The following IL1RAPL1 variants were observed in gnomAD, a reference collection of about 807,000 sequenced individuals.
IL1RAPL1 encodes interleukin 1 receptor accessory protein like 1.
In IL1RAPL1, 3 loss-of-function variants were observed where a neutral mutation model predicts 48.4. The ratio of observed to expected loss-of-function variants is 0.06; its 90% CI spans 0.03 to 0.16. IL1RAPL1 has a LOEUF of 0.16. Ranked by LOEUF, IL1RAPL1 falls within the 10% of genes least tolerant of loss-of-function variation. The pLI is 1.00. For missense variants in IL1RAPL1, 349 were observed against 530.6 expected (o/e 0.66, Z 3.36); for synonymous variants, 185 against 187.7 (o/e 0.99, Z 0.12).
At chrX:29,854,334 G>A (rs779981194) in intron 6 of IL1RAPL1, among the ~76,000 whole-genome samples, 1 of 112,073 alleles carries the variant, frequency 8.9e-6, no homozygotes, top group Admixed American at 9.5e-5. Context: ...AGAAGGAGTG[G>A]CCTGACCTGG....
At chrX:29,172,055 C>A (rs1253937642) in intron 2 of IL1RAPL1, among the ~76,000 whole-genome samples, 1 of 112,524 alleles carries the variant, frequency 8.9e-6, no homozygotes, top group African/African-American at 3.2e-5. Context: ...AACCATTAAA[C>A]TGGCTTGACC....
At chrX:29,005,164 C>G (rs964199435) in intron 2 of IL1RAPL1, among the ~76,000 whole-genome samples, 1 of 112,028 alleles carries the variant, frequency 8.9e-6, no homozygotes, top group Non-Finnish European at 1.9e-5. Flanking sequence ...GGCCAAACAT[C>G]TTAGAACTAA....
At chrX:29,178,636 T>C (rs1447043463) in intron 2 of IL1RAPL1, among the ~76,000 whole-genome samples, 1 of 112,055 alleles carries the variant, frequency 8.9e-6, no homozygotes, top group African/African-American at 3.2e-5. Context: ...TTTGTTGCCA[T>C]TGCTTTTGGT....
At chrX:28,923,210 C>G (rs1438977350) in intron 2 of IL1RAPL1, among the ~76,000 whole-genome samples, 1 of 110,074 alleles carries the variant, frequency 9.1e-6, no homozygotes, top group Non-Finnish European at 1.9e-5. Context: ...GAGTTTCGCT[C>G]TTATTGCCCA....
intron 2 of IL1RAPL1, among the ~76,000 whole-genome samples, chrX:29,008,627 T>C (rs1926048194): frequency 8.9e-6 from 1 of 112,294 alleles, no homozygotes; most frequent in African/African-American, 3.2e-5. Context: ...TTTTAAAATG[T>C]CAATTTTTCT....
At chrX:29,832,864 T>C (rs1459794483) in intron 6 of IL1RAPL1, among the ~76,000 whole-genome samples, 1 of 110,340 alleles carries the variant, frequency 9.1e-6, no homozygotes. Flanking sequence ...ATGTTCACTG[T>C]CAGGGATAAA....
In IL1RAPL1 at chrX:28,789,383, A is replaced by G. The variant is rs780153399; in HGVS notation, c.40A>G (p.Thr14Ala). Residue 14 changes from threonine (T) to alanine (A), a missense_variant, in exon 2 of 11, where the codon ACT becomes GCT. By Grantham distance (58) the Thr-to-Ala change is moderately conservative (BLOSUM62 0). This residue lies in a region of IL1RAPL1 where 238 missense variants were observed against 337.8 expected (regional missense o/e 0.70). Transcript: ENST00000378993. ...PIPHLILLYA[T>A]FTQSLKVVTK... ...TCCACACTTGATTCTCTTATACGCT[A>G]CTTTTACTCAGAGTTTGAAGGTTGT... 3.3e-6 allele frequency: 4 copies of G among 1,210,122 alleles called. No individual in the cohort carries two copies. In the South Asian group the frequency reaches 7.0e-5, roughly 21 times the overall value.
chrX:29,599,790 T>C (rs1345395288), intron 5 of IL1RAPL1, among the ~76,000 whole-genome samples: 8 of 112,357 alleles, frequency 7.1e-5, no homozygotes, highest in Non-Finnish European at 1.3e-4. Flanking sequence ...AAGTTCTTTC[T>C]TCTGCTTATT....
chrX:29,738,796 C>T (rs535426362), intron 6 of IL1RAPL1, among the ~76,000 whole-genome samples: 2 of 111,836 alleles, frequency 1.8e-5, no homozygotes, highest in South Asian at 3.7e-4. Context: ...GCGCAGAATC[C>T]GGGGAATTTG....
chrX:29,098,820 C>T (rs973149411), intron 2 of IL1RAPL1, among the ~76,000 whole-genome samples: 1 of 112,576 alleles, frequency 8.9e-6, no homozygotes, highest in Non-Finnish European at 1.9e-5. Flanking sequence ...TATGAGGATG[C>T]AGACATCCTT....
intron 2 of IL1RAPL1, among the ~76,000 whole-genome samples, chrX:29,140,011 G>A (rs1929214899): frequency 9.0e-6 from 1 of 111,581 alleles, no homozygotes; most frequent in Non-Finnish European, 1.9e-5. Flanking sequence ...TGTACAAGAA[G>A]CATGGAGCCA....
chrX:29,482,798 C>T (rs924003079), intron 5 of IL1RAPL1, among the ~76,000 whole-genome samples: 2 of 111,933 alleles, frequency 1.8e-5, no homozygotes, highest in African/African-American at 3.2e-5. Flanking sequence ...ACCCATCACC[C>T]AGGTACAATA....
At chrX:29,448,647 C>A (rs1386433580) in intron 5 of IL1RAPL1, among the ~76,000 whole-genome samples, 1 of 111,928 alleles carries the variant, frequency 8.9e-6, no homozygotes, top group Non-Finnish European at 1.9e-5. Flanking sequence ...TATTTCAGTT[C>A]TCAGAGGGAA....
chrX:29,048,028 A>G (rs890199273), intron 2 of IL1RAPL1, among the ~76,000 whole-genome samples: 6 of 111,261 alleles, frequency 5.4e-5, no homozygotes, highest in African/African-American at 2.0e-4. Flanking sequence ...CCCATTCCTT[A>G]AGAGAACTGT....
intron 2 of IL1RAPL1, among the ~76,000 whole-genome samples, chrX:29,193,409 A>G (rs1370875776): frequency 9.0e-6 from 1 of 111,275 alleles, no homozygotes; most frequent in Non-Finnish European, 1.9e-5. Context: ...ATATTCATCA[A>G]TAGAAACTGC....
chrX:28,727,887 A>G (rs1373395324), intron 1 of IL1RAPL1, among the ~76,000 whole-genome samples: 5 of 106,616 alleles, frequency 4.7e-5, no homozygotes, highest in Admixed American at 1.0e-4. Flanking sequence ...ACATGGACAC[A>G]GGAAGGGGAA....
intron 2 of IL1RAPL1, among the ~76,000 whole-genome samples, chrX:29,048,698 C>G (rs1927028508): frequency 8.9e-6 from 1 of 112,003 alleles, no homozygotes; most frequent in Non-Finnish European, 1.9e-5. Context: ...CAATATGCAT[C>G]AAATGTTTTC....
chrX:29,145,634 C>T (rs1257247192), intron 2 of IL1RAPL1, among the ~76,000 whole-genome samples: 1 of 111,711 alleles, frequency 9.0e-6, no homozygotes, highest in Non-Finnish European at 1.9e-5. Flanking sequence ...CAACACGAGA[C>T]AGGCCACTGG....
At chrX:29,256,769 G>T (rs901497511) in intron 2 of IL1RAPL1, among the ~76,000 whole-genome samples, 1 of 111,308 alleles carries the variant, frequency 9.0e-6, no homozygotes, top group African/African-American at 3.3e-5. Flanking sequence ...GCACTTATTG[G>T]TAACTTGTAA....
Sources: allele counts gnomAD v4.1 joint callset (sites outside exome capture counted in the v4.1 genomes callset), GRCh38; gene constraint gnomAD v4.1.1; regional missense constraint gnomAD v4.1.1; transcripts MANE v1.5; gene names NCBI Gene and HGNC (gene_info 2026-07-23, HGNC 2026-07-21).